The following MAPK10 variants were observed in gnomAD, a reference collection of about 807,000 sequenced individuals.
MAPK10 encodes JNK3 alpha protein kinase.
In MAPK10, 25 loss-of-function variants were observed where a neutral mutation model predicts 59.3. The observed-to-expected ratio is 0.42, with a 90% CI of 0.31 to 0.59. The LOEUF (loss-of-function observed/expected upper bound fraction) is 0.59, where lower values mean the gene tolerates loss of function less well. MAPK10 is among the 20% of genes least tolerant of loss of function. The probability of loss-of-function intolerance (pLI) is 0.15; values close to 1 mark genes in which losing one functional copy is unlikely to be tolerated. For missense variants in MAPK10, 351 were observed against 568.9 expected (o/e 0.62, Z 3.90); for synonymous variants, 190 against 200.5 (o/e 0.95, Z 0.44).
rs1472193102 is a variant in MAPK10, at chr4:86,183,950, G to A, written c.66+10386C>T. ...GCATAAATGTCTTCTTTTGAGAAGT[G>A]TCTGTTCATGTCCTTTGCCCACTTT... On this transcript the variant is annotated intron_variant, in intron 3 of 13. Coordinates refer to ENST00000641462, the MANE Select transcript of MAPK10 (RefSeq NM_138982.4). Among the ~76,000 whole-genome samples, 9 of 152,174 alleles carry A rather than the reference G, an allele frequency of 5.9e-5. No individual in the cohort carries two copies. The South Asian group carries it at 1.4e-3, about 24-fold the overall frequency.
chr4:86,532,779 G>A (rs1190349363), intron 1 of MAPK10, among the ~76,000 whole-genome samples: 1 of 152,100 alleles, frequency 6.6e-6, no homozygotes, highest in Non-Finnish European at 1.5e-5. Flanking sequence ...GGGCCCACAG[G>A]TTTACCAGGT....
At position 86,344,970 on chromosome 4, in the gene MAPK10, T is replaced by C. The variant is rs561866014; in HGVS notation, c.-7+9560A>G. Reference sequence around the variant, plus strand: ...TAAAGAATGATGCAAACCTGGAAAATTGATATAGTCAGTTTGGCTGGCTAT... The same window carrying C: ...TAAAGAATGATGCAAACCTGGAAAACTGATATAGTCAGTTTGGCTGGCTAT... On this transcript the variant is annotated intron_variant, in intron 2 of 13. Coordinates refer to ENST00000641462, the MANE Select transcript of MAPK10 (RefSeq NM_138982.4). Among the ~76,000 whole-genome samples the C allele has an allele frequency of 2.0e-4, 31 of 152,260 alleles. No individual in the cohort carries two copies. In the East Asian group the frequency reaches 5.2e-3, roughly 26 times the overall value.
chr4:86,308,557 C>T (rs948054056), intron 2 of MAPK10: 1 of 152,090 alleles, frequency 6.6e-6, no homozygotes, highest in African/African-American at 2.4e-5. Context: ...TGCAGGCCAT[C>T]CCCACTTTTG....
At chr4:86,555,760 T>C (rs1760216556) in intron 1 of MAPK10, among the ~76,000 whole-genome samples, 1 of 152,188 alleles carries the variant, frequency 6.6e-6, no homozygotes, top group Non-Finnish European at 1.5e-5. Context: ...TTGTTCCTTA[T>C]TAAAAGTGTA....
intron 1 of MAPK10, among the ~76,000 whole-genome samples, chr4:86,467,880 A>G (rs1181556891): frequency 6.6e-6 from 1 of 152,158 alleles, no homozygotes; most frequent in African/African-American, 2.4e-5. Context: ...GGCTTACTGA[A>G]AAAAACCAAG....
At chr4:86,364,960 C>A (rs1737596157), upstream of MAPK10, among the ~76,000 whole-genome samples, 2 of 151,900 alleles carry the variant, frequency 1.3e-5, no homozygotes, top group African/African-American at 4.8e-5. Flanking sequence ...AGTTTGAGAG[C>A]CCTCCCCACC....
At chr4:86,035,370 CAAAAAAAAAA>C (rs70948779) in intron 11 of MAPK10, among the ~76,000 whole-genome samples, 2 of 37,864 alleles carry the variant, frequency 5.3e-5, no homozygotes, top group Non-Finnish European at 8.9e-5. Context: ...GACTCTGTCT[CAAAAAAAAAA>C]AAAAAAAAAA....
chr4:86,134,417 C>T (rs1484201486), intron 4 of MAPK10, among the ~76,000 whole-genome samples: 2 of 152,166 alleles, frequency 1.3e-5, no homozygotes, highest in Admixed American at 1.3e-4. Context: ...ACTCAAACTC[C>T]ATTAATAGCA....
At chr4:86,585,513 T>C (rs945150098) in intron 1 of MAPK10, among the ~76,000 whole-genome samples, 1 of 152,226 alleles carries the variant, frequency 6.6e-6, no homozygotes, top group African/African-American at 2.4e-5. Context: ...TCAAAAGGCC[T>C]TGGCCCAGCA....
chr4:86,232,032 T>C (rs909795410), intron 2 of MAPK10, among the ~76,000 whole-genome samples: 2 of 152,198 alleles, frequency 1.3e-5, no homozygotes, highest in Non-Finnish European at 2.9e-5. Context: ...ACCTTGTCTG[T>C]AAAAAGTCAC....
At chr4:86,578,986 C>T (rs1452857027) in intron 1 of MAPK10, among the ~76,000 whole-genome samples, 11 of 152,074 alleles carry the variant, frequency 7.2e-5, no homozygotes, top group Admixed American at 6.5e-4. Context: ...ATAAGGATGA[C>T]ACTTTTATTC....
At chr4:86,456,137 C>T (rs1019664048), upstream of MAPK10, among the ~76,000 whole-genome samples, 10 of 152,048 alleles carry the variant, frequency 6.6e-5, no homozygotes, top group Non-Finnish European at 5.9e-5. Flanking sequence ...CCTTTCAAAA[C>T]CTCTGGGATA....
intron 1 of MAPK10, among the ~76,000 whole-genome samples, chr4:86,530,654 T>C (rs1409231010): frequency 6.6e-6 from 1 of 152,184 alleles, no homozygotes; most frequent in Non-Finnish European, 1.5e-5. Flanking sequence ...CATCCTCACA[T>C]GGTGAAAGCT....
rs759278768 is a variant in MAPK10, at chr4:86,107,368, A to G, written c.237-16T>C. On this transcript the variant is annotated splice_polypyrimidine_tract_variant and intron_variant, in intron 4 of 13. Transcript: ENST00000641462. Reference sequence around the variant, plus strand: ...ATACGCGGCACTGTAGAGATCCAAGAGCAACTCAGAATTAAGAACAAAAGA... The same window carrying G: ...ATACGCGGCACTGTAGAGATCCAAGGGCAACTCAGAATTAAGAACAAAAGA... 3 of 1,600,612 alleles carry G rather than the reference A, an allele frequency of 1.9e-6. No homozygotes were observed. The highest frequency in any genetic ancestry group is 1.7e-6 in the Non-Finnish European group (2 of 1,175,898).
intron 1 of MAPK10, among the ~76,000 whole-genome samples, chr4:86,416,817 T>C (rs1745915592): frequency 6.6e-6 from 1 of 152,126 alleles, no homozygotes; most frequent in Non-Finnish European, 1.5e-5. Context: ...CTGCTAGAAA[T>C]ATCCAGCCCT....
intron 1 of MAPK10, among the ~76,000 whole-genome samples, chr4:86,522,440 A>G (rs1376506340): frequency 6.6e-6 from 1 of 152,230 alleles, no homozygotes; most frequent in Non-Finnish European, 1.5e-5. Flanking sequence ...GGCAGGGCAG[A>G]TAAATTAAAT....
At chr4:86,206,300 G>GT (rs2083946766) in intron 2 of MAPK10, among the ~76,000 whole-genome samples, 1 of 151,404 alleles carries the variant, frequency 6.6e-6, no homozygotes, top group African/African-American at 2.4e-5. Context: ...GCGGTGTTTG[G>GT]TTTTTTGTTC....
intron 2 of MAPK10, among the ~76,000 whole-genome samples, chr4:86,266,137 C>T (rs1264750664): frequency 6.6e-6 from 1 of 152,070 alleles, no homozygotes; most frequent in Non-Finnish European, 1.5e-5. Flanking sequence ...GAGGTGCTCA[C>T]TAGGTGTAAG....
rs1303904956 is a variant in MAPK10, at chr4:86,329,790, C to T, written c.-7+24740G>A. Among the ~76,000 whole-genome samples, 3 of 152,178 alleles carry T rather than the reference C, an allele frequency of 2.0e-5. 1 individual carries two copies. Among genetic ancestry groups the T allele is most frequent in the African/African-American group, 7.2e-5 (3 of 41,512 alleles). On this transcript the variant is annotated intron_variant, in intron 2 of 13. Coordinates refer to ENST00000641462, the MANE Select transcript of MAPK10 (RefSeq NM_138982.4). Reference sequence around the variant, plus strand: ...CCTTCCAAAAATGAAATCAATTAGTCAATATAGCACTTTTTGGGAAAACCC... The same window carrying T: ...CCTTCCAAAAATGAAATCAATTAGTTAATATAGCACTTTTTGGGAAAACCC...
Sources: gnomAD v4.1 joint callset for allele counts (sites outside exome capture counted in the v4.1 genomes callset) on GRCh38, gnomAD v4.1.1 for gene constraint, MANE v1.5 for transcripts, NCBI Gene and HGNC (gene_info 2026-07-23, HGNC 2026-07-21) for gene names.